Variants in ATP6V0E1 observed in about 807,000 individuals in gnomAD.
ATP6V0E1 encodes the protein ATPase H+ transporting V0 subunit e1, also known as V-type proton ATPase subunit e 1.
A neutral mutation model predicts 11.6 loss-of-function variants in ATP6V0E1; 4 were observed. The ratio of observed to expected loss-of-function variants is 0.35; its 90% CI spans 0.17 to 0.79. The LOEUF (loss-of-function observed/expected upper bound fraction) is 0.79, where lower values mean the gene tolerates loss of function less well. ATP6V0E1 is among the 30% of genes least tolerant of loss of function. ATP6V0E1 has a pLI of 0.54. For synonymous variants in ATP6V0E1, 36 were observed against 34.8 expected, an observed-to-expected ratio of 1.04 and a Z score of -0.13; for missense variants, 105 against 100.0, an observed-to-expected ratio of 1.05 and a Z score of -0.21.
chr5:173,034,546 C>CT lies in ATP6V0E1; in HGVS notation c.*190dup. The CT allele has an allele frequency of 4.4e-6, 3 of 676,210 alleles. No homozygotes were observed. Among genetic ancestry groups the CT allele is most frequent in the African/African-American group, 1.8e-5 (1 of 56,674 alleles). 41.9% of individuals were successfully genotyped at this position (676,210 alleles called of 1,614,324 possible). ...TACAATGCAGCGTGTTTTCCTTTGCCTTTTTTGCACTTTGGTGAATTACGT... is the reference window on the plus strand; with the variant it reads ...TACAATGCAGCGTGTTTTCCTTTGCCTTTTTTTGCACTTTGGTGAATTACGT... On this transcript the variant is annotated 3_prime_UTR_variant, in exon 4 of 4. Transcript: ENST00000519374.
intron 2 of ATP6V0E1, among the ~76,000 whole-genome samples, chr5:173,018,950 T>A (rs548787035): frequency 1.3e-5 from 2 of 152,228 alleles, no homozygotes; most frequent in South Asian, 4.1e-4. Flanking sequence ...GATAAATCTA[T>A]GCTATTTTTC....
chr5:173,011,129 G>C (rs1201943422), intron 2 of ATP6V0E1, among the ~76,000 whole-genome samples: 1 of 150,794 alleles, frequency 6.6e-6, no homozygotes, highest in Non-Finnish European at 1.5e-5. Context: ...ACATGGCACT[G>C]CTAAATGATT....
intron 3 of ATP6V0E1, among the ~76,000 whole-genome samples, chr5:173,030,810 G>A (rs1033661962): frequency 2.7e-5 from 4 of 150,734 alleles, no homozygotes; most frequent in Non-Finnish European, 4.4e-5. Context: ...GTGCAGTGGC[G>A]CAATCTTGGC....
intron 3 of ATP6V0E1, among the ~76,000 whole-genome samples, chr5:173,021,334 C>G (rs2113608740): frequency 6.6e-6 from 1 of 150,986 alleles, no homozygotes; most frequent in South Asian, 2.1e-4. Context: ...TTAATGGACT[C>G]ACAGTTCCTC....
chr5:173,023,822 G>C (rs1756517900), intron 3 of ATP6V0E1, among the ~76,000 whole-genome samples: 1 of 152,074 alleles, frequency 6.6e-6, no homozygotes, highest in Non-Finnish European at 1.5e-5. Flanking sequence ...TCCAGCCTGG[G>C]TGACAAAGCA....
rs575023493 is a variant in ATP6V0E1, at chr5:172,988,936, G to A, written c.104+4972G>A. Among the ~76,000 whole-genome samples the A allele has an allele frequency of 7.9e-5, 12 of 152,290 alleles. No individual in the cohort carries two copies. In the East Asian group the frequency reaches 2.3e-3, roughly 29 times the overall value. ...ACTTTTGGCCTCAAGTGATCCTCTCGCCTCGGCCTCCCAATGTGTTGGGAT... is the reference window on the plus strand; with the variant it reads ...ACTTTTGGCCTCAAGTGATCCTCTCACCTCGGCCTCCCAATGTGTTGGGAT... On this transcript the variant is annotated intron_variant, in intron 1 of 3. Coordinates refer to ENST00000519374, the MANE Select transcript of ATP6V0E1 (RefSeq NM_003945.4).
At chr5:172,998,437 T>C (rs1334683531) in intron 2 of ATP6V0E1, among the ~76,000 whole-genome samples, 1 of 151,894 alleles carries the variant, frequency 6.6e-6, no homozygotes, top group African/African-American at 2.4e-5. Context: ...TGAAACCCCA[T>C]CAATACTAAA....
At chr5:173,007,002 G>A (rs1756240088) in intron 2 of ATP6V0E1, among the ~76,000 whole-genome samples, 1 of 152,172 alleles carries the variant, frequency 6.6e-6, no homozygotes, top group Admixed American at 6.6e-5. Context: ...CTTTGAGCTG[G>A]AAGGTCTGGT....
intron 2 of ATP6V0E1, among the ~76,000 whole-genome samples, chr5:173,000,424 C>G (rs80126325): frequency 0.011 from 1,664 of 152,274 alleles, 19 homozygotes; most frequent in South Asian, 0.032. Context: ...CTCAGAGTCA[C>G]CAAGCTCACA....
In ATP6V0E1 at chr5:173,001,758, G is replaced by A. The variant is rs56262636; in HGVS notation, c.152+6936G>A. Among the ~76,000 whole-genome samples, 656 of 140,614 alleles carry A rather than the reference G, an allele frequency of 4.7e-3. 5 individuals carry two copies. The highest frequency in any genetic ancestry group is 0.022 in the South Asian group (103 of 4,586). The allele number at this position is 140,614 out of a possible 152,430, so 92.2% of individuals were successfully genotyped here. On this transcript the variant is annotated intron_variant, in intron 2 of 3. Transcript: ENST00000519374. ...CCCGAGACGGAGTTTCACTCTTGTT[G>A]TCCAGGCTAGAGTGCAATGGCTGGA...
At chr5:172,991,503 G>A (rs1242048300) in intron 1 of ATP6V0E1, among the ~76,000 whole-genome samples, 4 of 152,102 alleles carry the variant, frequency 2.6e-5, no homozygotes, top group Non-Finnish European at 4.4e-5. Context: ...ATGAGTAAAG[G>A]CTTGGAATTG....
rs1455456373 is a variant in ATP6V0E1, at chr5:173,010,041, C to T, written c.153-10197C>T. Among the ~76,000 whole-genome samples, 5 of 152,174 alleles carry T rather than the reference C, an allele frequency of 3.3e-5. 1 individual carries two copies. Among genetic ancestry groups the T allele is most frequent in the South Asian group, 4.1e-4 (2 of 4,822 alleles). ...CCTCCCAAAGTGCTGGAATTACAGGCGCGAGCCACCGTGCCTGTCCTGGAT... is the reference window on the plus strand; with the variant it reads ...CCTCCCAAAGTGCTGGAATTACAGGTGCGAGCCACCGTGCCTGTCCTGGAT... On this transcript the variant is annotated intron_variant, in intron 2 of 3. Transcript: ENST00000519374.
Position 173,010,655 on chromosome 5 carries a change from G to T in ATP6V0E1, c.153-9583G>T, listed in dbSNP as rs1206395036. Among the ~76,000 whole-genome samples the T allele has an allele frequency of 3.3e-5, 5 of 152,154 alleles. 1 individual carries two copies. Among genetic ancestry groups the T allele is most frequent in the Non-Finnish European group, 7.3e-5 (5 of 68,034 alleles). On this transcript the variant is annotated intron_variant, in intron 2 of 3. Coordinates refer to ENST00000519374, the MANE Select transcript of ATP6V0E1 (RefSeq NM_003945.4). ...GAGAGGTCGTTTTAGTGGCGCTAGG[G>T]CAAATCACTTTCCTGCATTTCTGCT...
intron 2 of ATP6V0E1, among the ~76,000 whole-genome samples, chr5:173,017,863 A>G (rs1320579342): frequency 6.6e-6 from 1 of 151,190 alleles, no homozygotes; most frequent in Non-Finnish European, 1.5e-5. Flanking sequence ...AAAAAAAAGA[A>G]AAGAAAAGAA....
At chr5:172,984,070 G>C in intron 1 of ATP6V0E1, 106 bp downstream of exon 1, 1 of 1,098,430 alleles carries the variant, frequency 9.1e-7, no homozygotes, top group Non-Finnish European at 1.4e-6. Context: ...TTGCATGGGC[G>C]CCCCCCGCGC....
At chr5:173,021,927 C>T (rs558039589) in intron 3 of ATP6V0E1, among the ~76,000 whole-genome samples, 25 of 152,202 alleles carry the variant, frequency 1.6e-4, no homozygotes, top group African/African-American at 5.5e-4. Flanking sequence ...CCCAGCTACT[C>T]GGGAGGCTGA....
chr5:173,005,849 T>G (rs577425540), intron 2 of ATP6V0E1, among the ~76,000 whole-genome samples: 1 of 152,358 alleles, frequency 6.6e-6, no homozygotes, highest in Non-Finnish European at 1.5e-5. Flanking sequence ...TGTAATTTCT[T>G]AGACCAATTG....
chr5:173,022,863 A>T (rs1009414976), intron 3 of ATP6V0E1, among the ~76,000 whole-genome samples: 5 of 151,688 alleles, frequency 3.3e-5, no homozygotes, highest in East Asian at 1.9e-4. Context: ...AATTTTTAAA[A>T]TTTTATTTAT....
intron 3 of ATP6V0E1, among the ~76,000 whole-genome samples, chr5:173,024,516 T>C (rs1380329639): frequency 6.6e-6 from 1 of 152,104 alleles, no homozygotes; most frequent in South Asian, 2.1e-4. Context: ...CCCTCTTCTA[T>C]ATTTTCTGTC....
Sources: allele counts gnomAD v4.1 joint callset (sites outside exome capture counted in the v4.1 genomes callset), GRCh38; gene constraint gnomAD v4.1.1; transcripts MANE v1.5; gene names NCBI Gene and HGNC (gene_info 2026-07-23, HGNC 2026-07-21).